The following CA10 variants were observed in gnomAD, a reference collection of about 807,000 sequenced individuals.
CA10 encodes the protein carbonic anhydrase-related protein 10.
Under a neutral mutation model 44.2 loss-of-function variants are expected in CA10, and 14 were observed. The ratio of observed to expected loss-of-function variants is 0.32; its 90% CI spans 0.21 to 0.50. CA10 has a LOEUF of 0.50. Ranked by LOEUF, CA10 falls within the 20% of genes least tolerant of loss-of-function variation. The probability of loss-of-function intolerance (pLI) is 0.99; values close to 1 mark genes in which losing one functional copy is unlikely to be tolerated. For missense variants in CA10, 350 were observed against 409.7 expected (o/e 0.85, Z 1.26); for synonymous variants, 159 against 141.6 (o/e 1.12, Z -0.87).
At chr17:52,108,591 T>A (rs1470839389) in intron 1 of CA10, among the ~76,000 whole-genome samples, 2 of 150,644 alleles carry the variant, frequency 1.3e-5, no homozygotes, top group Non-Finnish European at 2.9e-5. Flanking sequence ...TCCCAGTTAC[T>A]TAGGATGCTG....
chr17:51,780,575 G>C (rs1418048624), intron 3 of CA10, among the ~76,000 whole-genome samples: 1 of 152,196 alleles, frequency 6.6e-6, no homozygotes, highest in Non-Finnish European at 1.5e-5. Context: ...GGCATGATGA[G>C]GGGTAAGGAT....
intron 3 of CA10, among the ~76,000 whole-genome samples, chr17:51,891,433 C>T (rs1011570144): frequency 2.0e-5 from 3 of 152,156 alleles, no homozygotes; most frequent in Non-Finnish European, 4.4e-5. Context: ...GGCCTTGAAA[C>T]AGAGGTGGTA....
chr17:51,946,066 T>C (rs1983261399), intron 2 of CA10, among the ~76,000 whole-genome samples: 1 of 152,092 alleles, frequency 6.6e-6, no homozygotes, highest in Admixed American at 6.5e-5. Context: ...AAACAAATAC[T>C]GCATTATCTC....
At chr17:51,924,565 G>C (rs1380926731) in intron 3 of CA10, among the ~76,000 whole-genome samples, 2 of 152,168 alleles carry the variant, frequency 1.3e-5, no homozygotes, top group Admixed American at 6.5e-5. Context: ...GGGGCTTGGA[G>C]GCTGGCTTGC....
chr17:52,014,762 T>C (rs2144142127), intron 2 of CA10, among the ~76,000 whole-genome samples: 1 of 152,062 alleles, frequency 6.6e-6, no homozygotes, highest in African/African-American at 2.4e-5. Context: ...AGGCAAATAA[T>C]ATAAACTAAA....
chr17:51,644,884 C>T (rs374456632), intron 6 of CA10, among the ~76,000 whole-genome samples: 91 of 151,196 alleles, frequency 6.0e-4, no homozygotes, highest in Non-Finnish European at 9.7e-4. Context: ...CTGCCACCTC[C>T]GCCTCCCGGG....
At chr17:51,957,402 G>A (rs1292207866) in intron 2 of CA10, among the ~76,000 whole-genome samples, 1 of 151,654 alleles carries the variant, frequency 6.6e-6, no homozygotes, top group Non-Finnish European at 1.5e-5. Context: ...CTCTTAAGAA[G>A]TTACTTGCTA....
intron 3 of CA10, among the ~76,000 whole-genome samples, chr17:51,821,809 G>T (rs1779239053): frequency 6.6e-6 from 1 of 152,152 alleles, no homozygotes; most frequent in African/African-American, 2.4e-5. Flanking sequence ...AAAGCACAGA[G>T]CTTAGAGTCA....
At chr17:51,941,604 C>T (rs1368856865) in intron 2 of CA10, among the ~76,000 whole-genome samples, 1 of 152,114 alleles carries the variant, frequency 6.6e-6, no homozygotes, top group African/African-American at 2.4e-5. Context: ...AGGCTGATGC[C>T]TCTGGATAAT....
At chr17:51,948,354 C>T (rs1374847135) in intron 2 of CA10, among the ~76,000 whole-genome samples, 6 of 152,280 alleles carry the variant, frequency 3.9e-5, no homozygotes, top group East Asian at 3.9e-4. Context: ...ATTATTCCAG[C>T]GATGGGTCAT....
At chr17:51,793,130 G>A (rs1163719381) in intron 3 of CA10, among the ~76,000 whole-genome samples, 1 of 152,158 alleles carries the variant, frequency 6.6e-6, no homozygotes, top group East Asian at 1.9e-4. Flanking sequence ...CCAATGCAGA[G>A]GACCCAGGAT....
intron 4 of CA10, among the ~76,000 whole-genome samples, chr17:51,667,568 CA>C (rs35051892): frequency 0.65 from 95,616 of 146,052 alleles, 30,882 homozygotes; most frequent in East Asian, 0.85. Flanking sequence ...GCTGAGCAAG[CA>C]AAAAAAAAAA....
At chr17:51,676,321 A>C (rs906543954) in intron 4 of CA10, among the ~76,000 whole-genome samples, 7 of 152,162 alleles carry the variant, frequency 4.6e-5, no homozygotes, top group South Asian at 2.1e-4. Flanking sequence ...CAGAGGGCCA[A>C]AGTAGTTCAA....
rs74537109 is a variant in CA10, at chr17:51,855,186, C to T, written c.279+75804G>A. On this transcript the variant is annotated intron_variant, in intron 3 of 8. Transcript: ENST00000451037. ...TTCTTATCTATAAAATGGAGGATAA[C>T]GCCAGCTTGAAGAGTTATGAGGAAG... Among the ~76,000 whole-genome samples the T allele has an allele frequency of 3.9e-3, 587 of 152,184 alleles. 3 individuals carry two copies. The highest frequency in any genetic ancestry group is 0.014 in the African/African-American group (566 of 41,514).
At chr17:51,780,125 C>A (rs1326149045) in intron 3 of CA10, among the ~76,000 whole-genome samples, 1 of 152,194 alleles carries the variant, frequency 6.6e-6, no homozygotes, top group Non-Finnish European at 1.5e-5. Flanking sequence ...ACTTCTAGAA[C>A]ATTCTTGGGC....
intron 1 of CA10, among the ~76,000 whole-genome samples, chr17:52,121,122 G>A (rs1468456441): frequency 2.0e-5 from 3 of 152,130 alleles, no homozygotes; most frequent in Non-Finnish European, 4.4e-5. Context: ...ATGTGGTTTG[G>A]TGTCTAATCT....
chr17:51,714,315 C>T (rs1431061482), intron 4 of CA10, among the ~76,000 whole-genome samples: 1 of 152,178 alleles, frequency 6.6e-6, no homozygotes, highest in Non-Finnish European at 1.5e-5. Flanking sequence ...CCGTCATTTG[C>T]AATTTATGTA....
intron 3 of CA10, among the ~76,000 whole-genome samples, chr17:51,913,734 G>A (rs995984166): frequency 1.3e-5 from 2 of 152,118 alleles, no homozygotes; most frequent in African/African-American, 2.4e-5. Context: ...ATGACCCTGG[G>A]AGGCTGGGGT....
At position 51,918,051 on chromosome 17, in the gene CA10, T is replaced by C. The variant is rs188735707; in HGVS notation, c.279+12939A>G. On this transcript the variant is annotated intron_variant, in intron 3 of 8. Transcript: ENST00000451037. The stretch of plus-strand genomic sequence containing the variant: ...CTGGAAGGGTGACACAACACTTATT[T>C]TGAACAGATAATTTTGTGAAACTCT... Among the ~76,000 whole-genome samples the C allele has an allele frequency of 1.5e-3, 221 of 152,328 alleles. 1 individual carries two copies. Among genetic ancestry groups the C allele is most frequent in the Admixed American group, 2.3e-3 (35 of 15,288 alleles).
Sources: gnomAD v4.1 joint callset for allele counts (sites outside exome capture counted in the v4.1 genomes callset) on GRCh38, gnomAD v4.1.1 for gene constraint, MANE v1.5 for transcripts, NCBI Gene and HGNC (gene_info 2026-07-23, HGNC 2026-07-21) for gene names.